Variants in SH3KBP1 observed in about 807,000 individuals in gnomAD.
SH3KBP1 encodes the protein SH3 domain containing kinase binding protein 1, also known as SH3 domain-containing kinase-binding protein 1.
A neutral mutation model predicts 50.1 loss-of-function variants in SH3KBP1; 8 were observed. The observed-to-expected ratio is 0.16, with a 90% confidence interval of 0.09 to 0.29. The LOEUF (loss-of-function observed/expected upper bound fraction) is 0.29, where lower values mean the gene tolerates loss of function less well. Ranked by LOEUF, SH3KBP1 falls within the 10% of genes least tolerant of loss-of-function variation. SH3KBP1 has a pLI of 1.00. For synonymous variants in SH3KBP1, 227 were observed against 218.6 expected (o/e 1.04, Z -0.34); for missense variants, 377 against 535.2 (o/e 0.70, Z 2.92).
intron 6 of SH3KBP1, among the ~76,000 whole-genome samples, chrX:19,660,471 A>G (rs1474474343): frequency 8.9e-6 from 1 of 111,810 alleles, no homozygotes; most frequent in South Asian, 3.8e-4. Flanking sequence ...GAGGAAAGCG[A>G]TAACTGAAAA....
chrX:19,833,160 C>G (rs959291397), intron 2 of SH3KBP1, among the ~76,000 whole-genome samples: 5 of 110,955 alleles, frequency 4.5e-5, no homozygotes, highest in Middle Eastern at 4.8e-3. Flanking sequence ...CCTCTCCTTC[C>G]CACGGTCCTC....
At chrX:19,632,095 G>T (rs996564901) in intron 7 of SH3KBP1, 137 bp from the exon 8 acceptor site, 2 of 353,516 alleles carry the variant, frequency 5.7e-6, no homozygotes, top group Non-Finnish European at 9.5e-6. Context: ...ATGAAGAAAG[G>T]GTGACCCTCA....
intron 12 of SH3KBP1, among the ~76,000 whole-genome samples, chrX:19,584,230 A>C (rs896086695): frequency 3.3e-5 from 3 of 91,917 alleles, no homozygotes; most frequent in African/African-American, 4.1e-5. Context: ...ATTTATAAAT[A>C]TATATAAATA....
Position 19,691,352 on chromosome X carries a change from C to CTA in SH3KBP1, c.520+4259_520+4260insTA, listed in dbSNP as rs1485474075. Among the ~76,000 whole-genome samples the CTA allele has an allele frequency of 6.9e-3, 613 of 89,326 alleles. 5 individuals carry two copies. The highest frequency in any genetic ancestry group is 0.019 in the African/African-American group (399 of 20,939). 77.6% of individuals were successfully genotyped at this position (89,326 alleles called of 115,157 possible). On this transcript the variant is annotated intron_variant, in intron 5 of 17. Transcript: ENST00000397821. ...TCTCTCTCTCTCTCTCTCTCTCTCT[C>CTA]TCTCTATATATATATATATCTTTTG... is the stretch of plus-strand genomic sequence containing the variant.
chrX:19,541,806 T>C (rs2147539367), intron 16 of SH3KBP1, 119 bp downstream of exon 16: 1 of 810,984 alleles, frequency 1.2e-6, no homozygotes, highest in East Asian at 3.2e-5. Context: ...GCTGCCACCA[T>C]CAACGGGGAG....
At chrX:19,760,010 T>TCTCTCTCTCTCTC (rs1417074356) in intron 2 of SH3KBP1, among the ~76,000 whole-genome samples, 3 of 98,494 alleles carry the variant, frequency 3.0e-5, no homozygotes, top group Non-Finnish European at 5.9e-5. Context: ...TCAGTCTCGG[T>TCTCTCTCTCTCTC]CTCTCTCTCT....
At chrX:19,687,712 A>G (rs1214165634) in intron 5 of SH3KBP1, 1 of 1,126,890 alleles carries the variant, frequency 8.9e-7, no homozygotes, top group Admixed American at 2.2e-5. Flanking sequence ...ATGAGAGAAG[A>G]GAAGGGGAGA....
At chrX:19,813,285 G>A (rs943718103) in intron 2 of SH3KBP1, among the ~76,000 whole-genome samples, 3 of 111,032 alleles carry the variant, frequency 2.7e-5, no homozygotes, top group African/African-American at 9.8e-5. Context: ...TCACTAATCT[G>A]GGGAGTGCAG....
intron 12 of SH3KBP1, among the ~76,000 whole-genome samples, chrX:19,584,852 G>A (rs369962902): frequency 2.7e-5 from 3 of 111,947 alleles, no homozygotes; most frequent in African/African-American, 9.7e-5. Context: ...GGCTTCCAAT[G>A]AGAGCTGCTT....
chrX:19,701,569 A>G (rs1480667771), intron 4 of SH3KBP1, among the ~76,000 whole-genome samples: 1 of 111,771 alleles, frequency 8.9e-6, no homozygotes, highest in Non-Finnish European at 1.9e-5. Context: ...AGCACCTAAC[A>G]CAAATACCAC....
chrX:19,691,920 T>C (rs2063301097), intron 5 of SH3KBP1, among the ~76,000 whole-genome samples: 1 of 111,953 alleles, frequency 8.9e-6, no homozygotes, highest in South Asian at 3.7e-4. Flanking sequence ...CAGAGGGCTA[T>C]AATTTTAACA....
At chrX:19,576,443 A>G (rs1012956343) in intron 12 of SH3KBP1, among the ~76,000 whole-genome samples, 2 of 111,605 alleles carry the variant, frequency 1.8e-5, no homozygotes, top group Non-Finnish European at 3.8e-5. Context: ...CACTTAAAAA[A>G]AAAAGAAAAG....
chrX:19,549,118 G>A (rs998720852), intron 14 of SH3KBP1, among the ~76,000 whole-genome samples: 3 of 112,333 alleles, frequency 2.7e-5, no homozygotes, highest in Admixed American at 9.5e-5. Flanking sequence ...GGGCAGCCAT[G>A]AAATGTGATG....
At chrX:19,728,245 C>G (rs2064280446) in intron 3 of SH3KBP1, among the ~76,000 whole-genome samples, 1 of 111,333 alleles carries the variant, frequency 9.0e-6, no homozygotes, top group South Asian at 3.8e-4. Context: ...ATCTGATATC[C>G]AAAATGCTCC....
chrX:19,588,237 G>C, intron 12 of SH3KBP1: 1 of 719,852 alleles, frequency 1.4e-6, no homozygotes, highest in African/African-American at 2.1e-5. Flanking sequence ...GTGAGGGTCA[G>C]GGGTCGTAGC....
At chrX:19,739,008 C>T (rs2064688435) in intron 3 of SH3KBP1, among the ~76,000 whole-genome samples, 1 of 81,530 alleles carries the variant, frequency 1.2e-5, no homozygotes, top group Admixed American at 1.4e-4. Context: ...GAGACTCTGC[C>T]TCCAAGAAAA....
chrX:19,773,856 G>GGA (rs2065875197), intron 2 of SH3KBP1, among the ~76,000 whole-genome samples: 2 of 14,922 alleles, frequency 1.3e-4, no homozygotes, highest in Admixed American at 9.8e-4. Flanking sequence ...ACTCCGGCTC[G>GGA]AAAAAAAAAA....
chrX:19,683,887 T>C lies in SH3KBP1; in HGVS notation c.662A>G (p.Asp221Gly). ...KGVGFGDIFK[D>G]KPIKLRPRSI... ...CCTTGGTCTTAGTTTGATTGGCTTGTCTTTGAAAATGTCTCCAAAGCCCAC... is the reference window on the plus strand; with the variant it reads ...CCTTGGTCTTAGTTTGATTGGCTTGCCTTTGAAAATGTCTCCAAAGCCCAC... The change falls in exon 6 of 18, where the codon GAC becomes GGC. Residue 221 changes from aspartate (D) to glycine (G), a missense_variant. Around this residue, in one of 3 missense-constraint regions of SH3KBP1, gnomAD observed 257 missense variants for 374.2 expected, o/e 0.69. Coordinates refer to ENST00000397821, the MANE Select transcript of SH3KBP1 (RefSeq NM_031892.3). The C allele has an allele frequency of 8.3e-7, 1 of 1,211,654 alleles. No homozygotes were observed. The highest frequency in any genetic ancestry group is 1.1e-6 in the Non-Finnish European group (1 of 895,207).
At chrX:19,857,970 G>A (rs1353016751) in intron 1 of SH3KBP1, among the ~76,000 whole-genome samples, 2 of 110,917 alleles carry the variant, frequency 1.8e-5, no homozygotes, top group Non-Finnish European at 3.8e-5. Flanking sequence ...CTTGAGGTCA[G>A]GAGTTCGAGA....
Sources: allele counts gnomAD v4.1 joint callset (sites outside exome capture counted in the v4.1 genomes callset), GRCh38; gene constraint gnomAD v4.1.1; regional missense constraint gnomAD v4.1.1; transcripts MANE v1.5; gene names NCBI Gene and HGNC (gene_info 2026-07-23, HGNC 2026-07-21).